Variants in CRACD observed in about 807,000 individuals in gnomAD.
CRACD encodes the protein capping protein-inhibiting regulator of actin dynamics.
Under a neutral mutation model 106.8 loss-of-function variants are expected in CRACD, and 56 were observed. The observed-to-expected ratio is 0.52, with a 90% CI of 0.42 to 0.66. CRACD has a LOEUF of 0.66. Ranked by LOEUF, CRACD falls within the 30% of genes least tolerant of loss-of-function variation. The pLI is 0.00. For missense variants in CRACD, 1,730 were observed against 1,623.2 expected, an observed-to-expected ratio of 1.07 and a Z score of -1.13; for synonymous variants, 754 against 670.8, an observed-to-expected ratio of 1.12 and a Z score of -1.92.
chr4:56,050,113 T>G lies in CRACD; in HGVS notation c.-336+814T>G, dbSNP rs192965678. The G allele has an allele frequency of 5.6e-4, 85 of 152,134 alleles. 1 individual carries two copies. The highest frequency in any genetic ancestry group is 2.0e-3 in the African/African-American group (85 of 41,478). The allele number at this position is 152,134 out of a possible 1,614,324, so 9.4% of individuals were successfully genotyped here. A position where few individuals can be genotyped will look rare whatever the true frequency, so the allele number is the denominator to read the frequency against. On this transcript the variant is annotated intron_variant, in intron 1 of 10. Coordinates refer to ENST00000682029, the MANE Select transcript of CRACD (RefSeq NM_001393381.1). Reference sequence around the variant, plus strand: ...TCTTGAGTTAGAGACATCGTAATCATTTTCTGAATTCTGAATTTTAAGAGA... The same window carrying G: ...TCTTGAGTTAGAGACATCGTAATCAGTTTCTGAATTCTGAATTTTAAGAGA...
At chr4:56,293,630 A>C (rs1039214509) in intron 3 of CRACD, among the ~76,000 whole-genome samples, 2 of 152,196 alleles carry the variant, frequency 1.3e-5, no homozygotes, top group Non-Finnish European at 2.9e-5. Flanking sequence ...CAGAAGGCAA[A>C]GAGGGAGTGA....
At position 56,243,699 on chromosome 4, in the gene CRACD, G is replaced by A. The variant is rs554050504; in HGVS notation, c.-188-28622G>A. ...GGGGTACATAAGATGTTTTGACATG[G>A]GTGTGCAATGTGAAATAAGCATCAT... is the stretch of plus-strand genomic sequence containing the variant. On this transcript the variant is annotated intron_variant, in intron 2 of 10. Coordinates refer to ENST00000682029, the MANE Select transcript of CRACD (RefSeq NM_001393381.1). Among the ~76,000 whole-genome samples, 6 of 152,010 alleles carry A rather than the reference G, an allele frequency of 3.9e-5. No homozygotes were observed. The South Asian group carries it at 1.2e-3, about 32-fold the overall frequency.
At chr4:56,147,917 G>A (rs902123917) in intron 1 of CRACD, among the ~76,000 whole-genome samples, 1 of 152,170 alleles carries the variant, frequency 6.6e-6, no homozygotes, top group African/African-American at 2.4e-5. Context: ...GGCCATAATG[G>A]AAGTAATTAG....
chr4:56,078,616 C>G (rs1394764010), intron 1 of CRACD, among the ~76,000 whole-genome samples: 1 of 152,132 alleles, frequency 6.6e-6, no homozygotes, highest in African/African-American at 2.4e-5. Context: ...GGGTCTCACT[C>G]TGTTGCCCAG....
chr4:56,186,541 A>G (rs1737102722), intron 2 of CRACD, among the ~76,000 whole-genome samples: 1 of 152,156 alleles, frequency 6.6e-6, no homozygotes, highest in Non-Finnish European at 1.5e-5. Flanking sequence ...GGGTAGGGGC[A>G]TTTTGTTGAT....
At chr4:56,275,272 A>G (rs141799590) in intron 3 of CRACD, among the ~76,000 whole-genome samples, 100 of 152,284 alleles carry the variant, frequency 6.6e-4, no homozygotes, top group African/African-American at 2.2e-3. Flanking sequence ...CCCTGAACGT[A>G]AAATAAAAGT....
intron 1 of CRACD, among the ~76,000 whole-genome samples, chr4:56,086,563 G>A (rs1263415150): frequency 6.6e-6 from 1 of 152,000 alleles, no homozygotes; most frequent in Non-Finnish European, 1.5e-5. Context: ...AGGTACCCCG[G>A]ACACCTCCTT....
At chr4:56,187,512 A>G (rs977334004) in intron 2 of CRACD, among the ~76,000 whole-genome samples, 1 of 152,172 alleles carries the variant, frequency 6.6e-6, no homozygotes, top group Non-Finnish European at 1.5e-5. Flanking sequence ...TCAAGCCTAT[A>G]GACTGTACAG....
At chr4:56,081,507 A>T (rs1560445364) in intron 1 of CRACD, among the ~76,000 whole-genome samples, 1 of 152,222 alleles carries the variant, frequency 6.6e-6, no homozygotes, top group East Asian at 1.9e-4. Context: ...TTGTTGCAAG[A>T]CATTAAAAGT....
Position 56,314,870 on chromosome 4 carries a change from A to G in CRACD, c.1368A>G (p.Pro456=), listed in dbSNP as rs1745467668. Residue 456 remains proline (P), a synonymous_variant, in exon 8 of 11, where the codon CCA becomes CCG. Transcript: ENST00000682029. This position sits in a 1 kb window ranked among gnomAD's most constrained non-coding sequence, Gnocchi z 4.4. The part of the protein sequence containing the change: ...EEPGICEEQN[P]EAERRREQQG... The stretch of plus-strand genomic sequence containing the variant: ...CAGGTATTTGCGAGGAGCAGAACCC[A>G]GAGGCCGAGCGGCGAAGAGAGCAGC... 2 of 1,612,102 alleles carry G rather than the reference A, an allele frequency of 1.2e-6. No individual in the cohort carries two copies. The highest frequency in any genetic ancestry group is 1.3e-5 in the African/African-American group (1 of 74,924).
chr4:56,326,706 G>GAGGC (rs1312122148), intron 10 of CRACD, among the ~76,000 whole-genome samples: 3 of 151,754 alleles, frequency 2.0e-5, no homozygotes, highest in Admixed American at 2.0e-4. Flanking sequence ...CTCAGAGGTA[G>GAGGC]AGGCACCCAG....
intron 1 of CRACD, among the ~76,000 whole-genome samples, chr4:56,107,965 C>T (rs1734003686): frequency 6.6e-6 from 1 of 152,162 alleles, no homozygotes; most frequent in Non-Finnish European, 1.5e-5. Flanking sequence ...TACGCAGATC[C>T]CAGACTATGT....
At chr4:56,320,951 G>A in intron 8 of CRACD, 1 of 189,890 alleles carries the variant, frequency 5.3e-6, no homozygotes, top group Non-Finnish European at 1.1e-5. Context: ...AACCAGATCT[G>A]AATTCCACAT....
At chr4:56,215,367 C>G (rs1241280686) in intron 2 of CRACD, among the ~76,000 whole-genome samples, 4 of 152,174 alleles carry the variant, frequency 2.6e-5, no homozygotes, top group African/African-American at 9.7e-5. Context: ...GAGCACTGCC[C>G]TAATGACCTA....
chr4:56,062,984 T>G (rs1732333182), intron 1 of CRACD, among the ~76,000 whole-genome samples: 1 of 152,186 alleles, frequency 6.6e-6, no homozygotes, highest in South Asian at 2.1e-4. Flanking sequence ...TTTTTAAAAT[T>G]AAATTCTCAT....
intron 1 of CRACD, among the ~76,000 whole-genome samples, chr4:56,070,993 T>C (rs1231676295): frequency 6.6e-6 from 1 of 152,076 alleles, no homozygotes; most frequent in Non-Finnish European, 1.5e-5. Context: ...AGAGGTTGTG[T>C]GTTGTGTCTG....
chr4:56,222,990 A>C lies in CRACD; in HGVS notation c.-189+43560A>C, dbSNP rs2109517126. 3.3e-5 allele frequency among the ~76,000 whole-genome samples: 5 copies of C among 151,916 alleles called. No homozygotes were observed. In the South Asian group the frequency reaches 1.0e-3, roughly 32 times the overall value. On this transcript the variant is annotated intron_variant, in intron 2 of 10. Coordinates refer to ENST00000682029, the MANE Select transcript of CRACD (RefSeq NM_001393381.1). ...ACTCCGTCTCAAACAAACAAACAAA[A>C]AAATTAATTAATTAAATTAAAGAAA...
At chr4:56,134,277 G>A (rs1734926486) in intron 1 of CRACD, among the ~76,000 whole-genome samples, 1 of 152,052 alleles carries the variant, frequency 6.6e-6, no homozygotes. Flanking sequence ...AAAGCATTTT[G>A]GATGTTAGTG....
intron 2 of CRACD, among the ~76,000 whole-genome samples, chr4:56,202,498 T>C (rs1443568111): frequency 1.3e-5 from 2 of 152,162 alleles, no homozygotes; most frequent in Non-Finnish European, 2.9e-5. Flanking sequence ...CTGCCCACCT[T>C]GGCCTCCCAA....
Sources: gnomAD v4.1 joint callset for allele counts (sites outside exome capture counted in the v4.1 genomes callset) on GRCh38, gnomAD v4.1.1 for gene constraint, Gnocchi (gnomAD v3.1) non-coding constraint, MANE v1.5 for transcripts, NCBI Gene and HGNC (gene_info 2026-07-23, HGNC 2026-07-21) for gene names.